Variants in HLTF observed in about 807,000 individuals in gnomAD.
The protein encoded by HLTF is DNA-dependent ATPase/E3 ubiquitin-protein ligase HLTF.
A neutral mutation model predicts 129.4 loss-of-function variants in HLTF; 127 were observed. The ratio of observed to expected loss-of-function variants is 0.98; its 90% CI spans 0.85 to 1.14. HLTF has a LOEUF of 1.14. Among genes scored for constraint, HLTF ranks in the 50% most tolerant of loss-of-function variants. The pLI, the probability that HLTF is intolerant of heterozygous loss-of-function variation, is 0.00. For missense variants in HLTF, 1,139 were observed against 1,187.1 expected (o/e 0.96, Z 0.60); for synonymous variants, 332 against 388.8 (o/e 0.85, Z 1.72).
At chr3:149,079,543 C>T (rs914374694) in intron 2 of HLTF, among the ~76,000 whole-genome samples, 18 of 109,278 alleles carry the variant, frequency 1.6e-4, no homozygotes, top group African/African-American at 6.1e-4. Context: ...TGGATAACAG[C>T]ACAAAGGAAG....
intron 23 of HLTF, among the ~76,000 whole-genome samples, chr3:149,036,297 G>GTTTTTTTTTTTTTTTTTTTTTTTTT (rs71135656): frequency 1.9e-5 from 2 of 107,986 alleles, no homozygotes; most frequent in Non-Finnish European, 1.8e-5. Flanking sequence ...AAACTATGAG[G>GTTTTTTTTTTTTTTTTTTTTTTTTT]TTTTTTTTTT....
rs1218547383 is a variant in HLTF at position 149,071,427 on chromosome 3, A to T, written c.719T>A (p.Leu240Gln). Reference sequence around the variant, plus strand: ...TAGAGCTTGTTTTTGATGTGGAAGCAGTGGTGTTTCAATAGCCTATAAATA... The same window carrying T: ...TAGAGCTTGTTTTTGATGTGGAAGCTGTGGTGTTTCAATAGCCTATAAATA... ...MEPAEAIETPLLPHQKQALAW... is the reference protein window; with the variant it reads ...MEPAEAIETPQLPHQKQALAW... Residue 240 changes from leucine to glutamine, a missense_variant, in exon 7 of 25, where the codon CTG becomes CAG. Coordinates refer to ENST00000310053, the MANE Select transcript of HLTF (RefSeq NM_003071.4). The T allele has an allele frequency of 7.4e-6, 12 of 1,612,316 alleles. No homozygotes were observed.
chr3:149,031,874 C>G lies in HLTF; in HGVS notation c.*346G>C, dbSNP rs1715085435. ...CCAACATAGAAAATAACTATTTGGT[C>G]AAAAGTATAAAAGGTCTGACCTTAT... On this transcript the variant is annotated 3_prime_UTR_variant, in exon 25 of 25. Transcript: ENST00000310053. The G allele has an allele frequency of 6.3e-6, 1 of 158,090 alleles. No homozygotes were observed. The highest frequency in any genetic ancestry group is 6.5e-5 in the Admixed American group (1 of 15,482). The allele number at this position is 158,090 out of a possible 1,614,324, so 9.8% of individuals were successfully genotyped here. A position where few individuals can be genotyped will look rare whatever the true frequency, so the allele number is the denominator to read the frequency against.
In HLTF at chr3:149,055,793, C is replaced by T. The variant is rs118103872; in HGVS notation, c.1376-393G>A. Among the ~76,000 whole-genome samples, 58 of 152,284 alleles carry T rather than the reference C, an allele frequency of 3.8e-4. No individual in the cohort carries two copies. In the East Asian group the frequency reaches 8.7e-3, roughly 23 times the overall value. ...ATTCACAATCTTGTGTAATCTCCTC[C>T]CATACTCCACCAGGACTGGTCTGTG... is the stretch of plus-strand genomic sequence containing the variant. On this transcript the variant is annotated intron_variant, in intron 13 of 24. Coordinates refer to ENST00000310053, the MANE Select transcript of HLTF (RefSeq NM_003071.4).
Position 149,060,413 on chromosome 3 carries a change from G to A in HLTF, c.1285+230C>T, listed in dbSNP as rs1430355495. Among the ~76,000 whole-genome samples, 8 of 151,838 alleles carry A rather than the reference G, an allele frequency of 5.3e-5. No individual in the cohort carries two copies. The East Asian group carries it at 1.5e-3, about 29-fold the overall frequency. ...GTAGTAGAAAATTGTTTTAAGTATA[G>A]TTTAAATATTATTATCCCTTAGATT... On this transcript the variant is annotated intron_variant, in intron 12 of 24. Transcript: ENST00000310053.
At chr3:149,051,436 G>C (rs556057988) in intron 14 of HLTF, among the ~76,000 whole-genome samples, 26 of 152,304 alleles carry the variant, frequency 1.7e-4, no homozygotes, top group African/African-American at 5.3e-4. Flanking sequence ...ACAGCTGTAA[G>C]AATGAATGAA....
At chr3:149,065,047 AT>A (rs1396352782) in intron 8 of HLTF, among the ~76,000 whole-genome samples, 181 bp from the exon 9 acceptor site, 1 of 151,674 alleles carries the variant, frequency 6.6e-6, no homozygotes, top group African/African-American at 2.4e-5. Flanking sequence ...CTGATTTAAA[AT>A]TTTTTCACGG....
intron 18 of HLTF, 82 bp from the exon 19 acceptor site, chr3:149,042,372 TTTTTC>T (rs1716205225): frequency 7.4e-6 from 9 of 1,216,414 alleles, no homozygotes; most frequent in African/African-American, 3.1e-5. Flanking sequence ...TAAAATGGCA[TTTTTC>T]TTTTCTTCTC....
intron 12 of HLTF, among the ~76,000 whole-genome samples, chr3:149,060,025 TGAG>T (rs145295234): frequency 0.018 from 2,743 of 152,162 alleles, 87 homozygotes; most frequent in African/African-American, 0.062. Context: ...TGGTAAGACT[TGAG>T]GAGAAGAAAT....
chr3:149,068,392 A>G (rs1230716408), intron 7 of HLTF, 57 bp from the exon 8 acceptor site: 1 of 756,976 alleles, frequency 1.3e-6, no homozygotes, highest in Non-Finnish European at 2.2e-6. Flanking sequence ...TTCACCAGAA[A>G]AACGTTCCCA....
intron 20 of HLTF, 70 bp from the exon 21 acceptor site, chr3:149,040,226 T>G: frequency 7.4e-7 from 1 of 1,358,192 alleles, no homozygotes; most frequent in Non-Finnish European, 1.0e-6. Flanking sequence ...CTAAAAATTT[T>G]TAAATGTATG....
rs372885074 is a variant in HLTF, at chr3:149,050,194, A to G, written c.1617+38T>C. The G allele has an allele frequency of 1.2e-5, 16 of 1,354,908 alleles. No homozygotes were observed. In the African/African-American group the frequency reaches 2.4e-4, roughly 20 times the overall value. 83.9% of individuals were successfully genotyped at this position (1,354,908 alleles called of 1,614,324 possible). ...AACCTGTGGCATATTTCTTACATTCAATCTTTAAAAGATCTGTTAAGTATC... is the reference window on the plus strand; with the variant it reads ...AACCTGTGGCATATTTCTTACATTCGATCTTTAAAAGATCTGTTAAGTATC... On this transcript the variant is annotated intron_variant, in intron 15 of 24. Coordinates refer to ENST00000310053, the MANE Select transcript of HLTF (RefSeq NM_003071.4).
chr3:149,072,253 T>C (rs1291459620), intron 5 of HLTF, among the ~76,000 whole-genome samples: 1 of 152,170 alleles, frequency 6.6e-6, no homozygotes, highest in Non-Finnish European at 1.5e-5. Flanking sequence ...AATAAGCTTA[T>C]ATGTAAGTTT....
At chr3:149,056,650 T>G (rs1301155545) in intron 13 of HLTF, among the ~76,000 whole-genome samples, 1 of 152,180 alleles carries the variant, frequency 6.6e-6, no homozygotes, top group African/African-American at 2.4e-5. Context: ...TTTCCCTATA[T>G]ATACCTACAA....
intron 3 of HLTF, among the ~76,000 whole-genome samples, chr3:149,075,246 T>G (rs956078744): frequency 6.6e-6 from 1 of 152,192 alleles, no homozygotes; most frequent in Non-Finnish European, 1.5e-5. Flanking sequence ...TTATAACCTC[T>G]GATATAAACA....
chr3:149,085,711 G>A (rs1720309940), intron 1 of HLTF, among the ~76,000 whole-genome samples: 1 of 152,120 alleles, frequency 6.6e-6, no homozygotes, highest in Non-Finnish European at 1.5e-5. Context: ...ACCCGTACCC[G>A]CCTTCCGTCG....
rs780742235 is a variant in HLTF, at chr3:149,073,309, A to G, written c.543T>C (p.Asn181=). ...LGPAPKTLGF[N]LESGWGSGRA... ...TTCCAGAGCCCCAACCACTTTCCAA[A>G]TTGAATCCTAAAGCTATAATTTACA... The change falls in exon 5 of 25, where the codon AAT becomes AAC. Residue 181 remains asparagine (N), a synonymous_variant. Coordinates refer to ENST00000310053, the MANE Select transcript of HLTF (RefSeq NM_003071.4). 6.2e-7 allele frequency: 1 copy of G among 1,609,084 alleles called. No homozygotes were observed. The highest frequency in any genetic ancestry group is 1.1e-5 in the South Asian group (1 of 90,572).
intron 24 of HLTF, 112 bp from the exon 25 acceptor site, chr3:149,032,484 G>A: frequency 1.7e-6 from 1 of 603,590 alleles, no homozygotes; most frequent in Non-Finnish European, 2.7e-6. Context: ...AATTACTTTT[G>A]CACCAAACTA....
At chr3:149,071,560 A>C (rs1436593759) in intron 6 of HLTF, 23 bp downstream of exon 6, 2 of 1,538,546 alleles carry the variant, frequency 1.3e-6, no homozygotes, top group Non-Finnish European at 9.0e-7. Flanking sequence ...AGTAGTCTTA[A>C]ATAAAAAATA....
Sources: allele counts gnomAD v4.1 joint callset (sites outside exome capture counted in the v4.1 genomes callset), GRCh38; gene constraint gnomAD v4.1.1; transcripts MANE v1.5; gene names NCBI Gene and HGNC (gene_info 2026-07-23, HGNC 2026-07-21).